CNTNAP2: variants seen among roughly 807,000 people sequenced by gnomAD.
The protein encoded by CNTNAP2 is contactin-associated protein-like 2.
In CNTNAP2, 98 loss-of-function variants were observed where a neutral mutation model predicts 155.2. The observed-to-expected ratio is 0.63, with a 90% CI of 0.54 to 0.75. The LOEUF (loss-of-function observed/expected upper bound fraction) is 0.75. Among genes scored for constraint, CNTNAP2 ranks in the 30% least tolerant of loss-of-function variants. The pLI, the probability that CNTNAP2 is intolerant of heterozygous loss-of-function variation, is 0.00. For synonymous variants in CNTNAP2, 651 were observed against 631.2 expected (o/e 1.03, Z -0.47); for missense variants, 1,727 against 1,688.1 (o/e 1.02, Z -0.40).
intron 1 of CNTNAP2, among the ~76,000 whole-genome samples, chr7:146,231,320 A>G (rs1477235224): frequency 6.6e-6 from 1 of 152,164 alleles, no homozygotes; most frequent in Non-Finnish European, 1.5e-5. Context: ...ACATCTCCTT[A>G]GTAAGACGCA....
chr7:148,221,343 C>T (rs1212944222), intron 19 of CNTNAP2, among the ~76,000 whole-genome samples: 2 of 152,108 alleles, frequency 1.3e-5, no homozygotes, highest in South Asian at 2.1e-4. Context: ...AGGTTGAGTG[C>T]CTTGCACACT....
chr7:147,326,638 T>A (rs771529743), intron 9 of CNTNAP2, among the ~76,000 whole-genome samples: 3 of 152,216 alleles, frequency 2.0e-5, no homozygotes, highest in Non-Finnish European at 4.4e-5. Context: ...CGATTTTACA[T>A]CCCACTAGCA....
intron 9 of CNTNAP2, among the ~76,000 whole-genome samples, chr7:147,355,417 C>T (rs940673771): frequency 1.3e-5 from 2 of 151,792 alleles, no homozygotes; most frequent in African/African-American, 4.8e-5. Context: ...CAAAAGCCAG[C>T]AGAAGACAAG....
intron 1 of CNTNAP2, among the ~76,000 whole-genome samples, chr7:146,649,343 C>G (rs1006843943): frequency 6.6e-6 from 1 of 152,010 alleles, no homozygotes; most frequent in Non-Finnish European, 1.5e-5. Context: ...TGCAGTATAT[C>G]TTGATATATT....
intron 15 of CNTNAP2, among the ~76,000 whole-genome samples, chr7:148,004,303 T>G (rs1245862825): frequency 6.6e-6 from 1 of 152,176 alleles, no homozygotes; most frequent in East Asian, 1.9e-4. Context: ...TAAAAAAGTA[T>G]TTCTCAATTG....
At chr7:147,166,603 G>A (rs1305438949) in intron 8 of CNTNAP2, among the ~76,000 whole-genome samples, 1 of 152,168 alleles carries the variant, frequency 6.6e-6, no homozygotes, top group African/African-American at 2.4e-5. Flanking sequence ...CTTTGTGTGA[G>A]CAATAAAGCT....
At chr7:147,434,045 T>G (rs1180064415) in intron 10 of CNTNAP2, among the ~76,000 whole-genome samples, 3 of 152,092 alleles carry the variant, frequency 2.0e-5, no homozygotes, top group Non-Finnish European at 2.9e-5. Context: ...GGAAAAAAAA[T>G]GAAGGAGCTT....
chr7:148,318,906 T>C (rs1797738433), intron 21 of CNTNAP2, among the ~76,000 whole-genome samples: 1 of 152,204 alleles, frequency 6.6e-6, no homozygotes, highest in Admixed American at 6.5e-5. Flanking sequence ...CCTGCTCTCC[T>C]ATTAACTCAG....
chr7:148,164,536 A>G (rs916903689), intron 17 of CNTNAP2, among the ~76,000 whole-genome samples: 1 of 150,616 alleles, frequency 6.6e-6, no homozygotes, highest in Non-Finnish European at 1.5e-5. Flanking sequence ...ACAGCTCTCC[A>G]GTCCAGACAC....
chr7:146,715,546 C>G (rs1055327036), intron 1 of CNTNAP2, among the ~76,000 whole-genome samples: 3 of 152,132 alleles, frequency 2.0e-5, no homozygotes, highest in Admixed American at 1.3e-4. Flanking sequence ...GATTTGTATA[C>G]AGTTTCAGCA....
chr7:147,621,942 A>G (rs749769413), intron 12 of CNTNAP2, among the ~76,000 whole-genome samples: 3 of 151,996 alleles, frequency 2.0e-5, no homozygotes, highest in Non-Finnish European at 4.4e-5. Flanking sequence ...GGAAAAAGAT[A>G]TATTCCATGC....
intron 1 of CNTNAP2, among the ~76,000 whole-genome samples, chr7:146,390,554 CTATATA>C (rs1007357475): frequency 2.0e-5 from 3 of 148,842 alleles, no homozygotes; most frequent in Non-Finnish European, 3.0e-5. Flanking sequence ...TATATACACA[CTATATA>C]TATATATTCT....
intron 16 of CNTNAP2, among the ~76,000 whole-genome samples, chr7:148,118,627 G>A (rs1404369168): frequency 2.0e-5 from 3 of 152,320 alleles, no homozygotes; most frequent in South Asian, 4.1e-4. Flanking sequence ...AAATAGGTGA[G>A]GGGTGTGTGC....
At chr7:147,257,695 T>C (rs1186591573) in intron 8 of CNTNAP2, among the ~76,000 whole-genome samples, 1 of 152,232 alleles carries the variant, frequency 6.6e-6, no homozygotes, top group East Asian at 1.9e-4. Context: ...CAGATCAGCA[T>C]GAGCATGAAT....
At chr7:146,137,693 G>T (rs1003902958) in intron 1 of CNTNAP2, among the ~76,000 whole-genome samples, 1 of 152,006 alleles carries the variant, frequency 6.6e-6, no homozygotes, top group African/African-American at 2.4e-5. Flanking sequence ...CCATAAAATA[G>T]ATGATTTCAT....
intron 1 of CNTNAP2, among the ~76,000 whole-genome samples, chr7:146,621,776 T>C (rs1018638805): frequency 7.2e-5 from 11 of 152,160 alleles, no homozygotes; most frequent in African/African-American, 2.7e-4. Flanking sequence ...TACTGTAGTA[T>C]TGGGAAGGAA....
At chr7:148,013,331 T>A (rs1392930403) in intron 15 of CNTNAP2, 3 of 152,148 alleles carry the variant, frequency 2.0e-5, no homozygotes, top group Non-Finnish European at 4.4e-5. Flanking sequence ...GCCCAATATA[T>A]CCACAGCGCA....
intron 1 of CNTNAP2, among the ~76,000 whole-genome samples, chr7:146,705,557 C>G: frequency 6.6e-6 from 1 of 152,006 alleles, no homozygotes; most frequent in East Asian, 1.9e-4. Flanking sequence ...TCTCACGCTG[C>G]TAATAAAAAT....
intron 1 of CNTNAP2, among the ~76,000 whole-genome samples, chr7:146,668,461 T>G (rs1217890179): frequency 1.3e-5 from 2 of 151,780 alleles, no homozygotes; most frequent in African/African-American, 4.8e-5. Context: ...TGTGTGTGTG[T>G]GTGTGTGTGT....
Sources: allele counts gnomAD v4.1 joint callset (sites outside exome capture counted in the v4.1 genomes callset), GRCh38; gene constraint gnomAD v4.1.1; transcripts MANE v1.5; gene names NCBI Gene and HGNC (gene_info 2026-07-23, HGNC 2026-07-21).